TTBK2: variants seen among roughly 807,000 people sequenced by gnomAD.
TTBK2 encodes the protein tau tubulin kinase 2, also known as tau-tubulin kinase 2.
A neutral mutation model predicts 110.8 loss-of-function variants in TTBK2; 28 were observed. That is an observed-to-expected ratio of 0.25 (90% CI 0.19 to 0.35). TTBK2 has a LOEUF of 0.35. Ranked by LOEUF, TTBK2 falls within the 10% of genes least tolerant of loss-of-function variation. TTBK2 has a pLI of 1.00. For missense variants in TTBK2, 1,369 were observed against 1,500.3 expected, an observed-to-expected ratio of 0.91 and a Z score of 1.45; for synonymous variants, 532 against 527.3, an observed-to-expected ratio of 1.01 and a Z score of -0.12.
At position 42,741,725 on chromosome 15, in the gene TTBK2, G is replaced by C. The variant is rs74323308; in HGVS notation, c.*4070C>G. 2.0e-5 allele frequency: 3 copies of C among 152,252 alleles called. No individual in the cohort carries two copies. In the East Asian group the frequency reaches 5.8e-4, roughly 29 times the overall value. The allele number at this position is 152,252 out of a possible 1,614,324, so 9.4% of individuals were successfully genotyped here. On this transcript the variant is annotated 3_prime_UTR_variant, in exon 15 of 15. Coordinates refer to ENST00000267890, the MANE Select transcript of TTBK2 (RefSeq NM_173500.4). Reference sequence around the variant, plus strand: ...AAATATAAAAGACTTTGATCTCCAAGACTAAATCTAGACTTATCTGCAAAT... The same window carrying C: ...AAATATAAAAGACTTTGATCTCCAACACTAAATCTAGACTTATCTGCAAAT...
intron 6 of TTBK2, among the ~76,000 whole-genome samples, chr15:42,821,688 T>G (rs1026289117): frequency 1.6e-4 from 20 of 127,652 alleles, no homozygotes; most frequent in African/African-American, 6.7e-4. Flanking sequence ...TGTTTTTTGT[T>G]TTTTTTTTGT....
Position 42,775,637 on chromosome 15 carries a change from G to T in TTBK2, c.1496C>A (p.Ser499Tyr), listed in dbSNP as rs751622999. The T allele has an allele frequency of 1.2e-6, 2 of 1,613,566 alleles. No homozygotes were observed. The highest frequency in any genetic ancestry group is 1.7e-6 in the Non-Finnish European group (2 of 1,179,652). ...LLHKPCVPAV[S>Y]RTDHIWHYDE... ...ATAGTGCCAGATGTGGTCAGTACGG[G>T]ACACAGCAGGAACGCAAGGCTTATG... Residue 499 changes from serine (S) to tyrosine (Y), a missense_variant, in exon 13 of 15, where the codon TCC becomes TAC. Ser to Tyr is a moderately radical substitution (Grantham distance 144). Around this residue, in one of 4 missense-constraint regions of TTBK2, gnomAD observed 1,097 missense variants for 1,114.7 expected, o/e 0.98. Transcript: ENST00000267890.
chr15:42,804,253 T>C (rs1430323117), intron 9 of TTBK2, among the ~76,000 whole-genome samples: 1 of 151,972 alleles, frequency 6.6e-6, no homozygotes, highest in African/African-American at 2.4e-5. Context: ...GAGACCAGCC[T>C]GACCAACATG....
At chr15:42,746,659 G>C (rs140724751) in intron 14 of TTBK2, among the ~76,000 whole-genome samples, 2 of 152,106 alleles carry the variant, frequency 1.3e-5, no homozygotes, top group Middle Eastern at 3.4e-3. Context: ...ACCATACTGT[G>C]TAAGGATGTT....
At chr15:42,901,422 C>T (rs907170437) in intron 1 of TTBK2, among the ~76,000 whole-genome samples, 1 of 151,044 alleles carries the variant, frequency 6.6e-6, no homozygotes, top group African/African-American at 2.4e-5. Context: ...ATGGATTTGA[C>T]AATAATTTCT....
intron 7 of TTBK2, 87 bp downstream of exon 7, chr15:42,816,942 ATAT>A (rs1567041334): frequency 6.1e-5 from 37 of 601,858 alleles, no homozygotes; most frequent in Non-Finnish European, 6.5e-5. Flanking sequence ...ATATATATAT[ATAT>A]AAAATAATAA....
At chr15:42,771,646 T>C (rs1889683186) in intron 13 of TTBK2, among the ~76,000 whole-genome samples, 1 of 152,258 alleles carries the variant, frequency 6.6e-6, no homozygotes. Flanking sequence ...AGAGGAATTC[T>C]CTCAAAAGAT....
intron 3 of TTBK2, among the ~76,000 whole-genome samples, chr15:42,852,139 G>A (rs909040263): frequency 2.0e-5 from 3 of 151,378 alleles, no homozygotes; most frequent in South Asian, 4.2e-4. Context: ...ACGCGATCTC[G>A]GCTCACTGCA....
In TTBK2 at chr15:42,829,886, A is replaced by T. The variant is rs1484630326; in HGVS notation, c.432+52T>A. The T allele has an allele frequency of 1.0e-5, 16 of 1,604,710 alleles. No individual in the cohort carries two copies. The East Asian group carries it at 3.1e-4, about 31-fold the overall frequency. On this transcript the variant is annotated intron_variant, in intron 5 of 14. Transcript: ENST00000267890. ...TTTGTAATTTATTGTGTCCCATCATAACATTAAAAGTATCAAACTCATTCT... is the reference window on the plus strand; with the variant it reads ...TTTGTAATTTATTGTGTCCCATCATTACATTAAAAGTATCAAACTCATTCT...
chr15:42,849,075 A>C (rs1893589906), intron 3 of TTBK2, among the ~76,000 whole-genome samples: 1 of 151,726 alleles, frequency 6.6e-6, no homozygotes, highest in African/African-American at 2.4e-5. Flanking sequence ...TGCTGCACCA[A>C]ACTCAGTCTC....
At chr15:42,751,952 C>G in intron 14 of TTBK2, 22 bp downstream of exon 14, 1 of 1,613,948 alleles carries the variant, frequency 6.2e-7, no homozygotes, top group Non-Finnish European at 8.5e-7. Flanking sequence ...ACACTTAACA[C>G]AGGGAGAGCA....
intron 11 of TTBK2, among the ~76,000 whole-genome samples, chr15:42,777,885 G>T (rs930665603): frequency 6.6e-6 from 1 of 152,108 alleles, no homozygotes; most frequent in African/African-American, 2.4e-5. Context: ...ACCCTCAAGA[G>T]GATGCCTAAC....
At chr15:42,815,958 A>AT (rs1555427627) in intron 7 of TTBK2, among the ~76,000 whole-genome samples, 27,156 of 91,564 alleles carry the variant, frequency 0.3, 4,866 homozygotes, top group East Asian at 0.5. Context: ...TTAAAAAAAA[A>AT]ATATATATAT....
At chr15:42,827,866 G>T in intron 6 of TTBK2, 62 bp downstream of exon 6, 1 of 1,340,678 alleles carries the variant, frequency 7.5e-7, no homozygotes, top group Non-Finnish European at 1.1e-6. Context: ...TGTTTAAAAA[G>T]TGTGATACTA....
intron 11 of TTBK2, among the ~76,000 whole-genome samples, chr15:42,777,747 G>C (rs914641179): frequency 6.6e-6 from 1 of 152,232 alleles, no homozygotes; most frequent in Non-Finnish European, 1.5e-5. Flanking sequence ...GAGGATGACT[G>C]TGAGGCAGCC....
At chr15:42,758,966 A>G (rs940426433) in intron 13 of TTBK2, among the ~76,000 whole-genome samples, 1 of 152,198 alleles carries the variant, frequency 6.6e-6, no homozygotes, top group African/African-American at 2.4e-5. Flanking sequence ...CCATGAGCCA[A>G]GCTGCCACAG....
At position 42,859,443 on chromosome 15, in the gene TTBK2, G is replaced by A. The variant is rs532039597; in HGVS notation, c.217+13168C>T. ...TTTACTGAAGCTTAATGGATCTGGC[G>A]GAGAGGAAATACCCAAATGCAACCC... On this transcript the variant is annotated intron_variant, in intron 3 of 14. Transcript: ENST00000267890. Among the ~76,000 whole-genome samples the A allele has an allele frequency of 2.5e-3, 378 of 152,136 alleles. 1 individual carries two copies. The highest frequency in any genetic ancestry group is 8.6e-3 in the African/African-American group (357 of 41,496).
At chr15:42,762,388 C>G (rs2062041305) in intron 13 of TTBK2, among the ~76,000 whole-genome samples, 1 of 152,142 alleles carries the variant, frequency 6.6e-6, no homozygotes, top group African/African-American at 2.4e-5. Context: ...ATGGAATCAA[C>G]CCAAGTGTAC....
chr15:42,829,811 G>T (rs1453214622), intron 5 of TTBK2, 127 bp downstream of exon 5: 3 of 1,329,306 alleles, frequency 2.3e-6, no homozygotes, highest in East Asian at 4.9e-5. Context: ...GTCTCTATTG[G>T]AATGAAAATA....
Sources: allele counts gnomAD v4.1 joint callset (sites outside exome capture counted in the v4.1 genomes callset), GRCh38; gene constraint gnomAD v4.1.1; regional missense constraint gnomAD v4.1.1; transcripts MANE v1.5; gene names NCBI Gene and HGNC (gene_info 2026-07-23, HGNC 2026-07-21).